The following PDE9A variants were observed in gnomAD, a reference collection of about 807,000 sequenced individuals.
The protein encoded by PDE9A is high affinity cGMP-specific 3',5'-cyclic phosphodiesterase 9A.
In PDE9A, 60 loss-of-function variants were observed where a neutral mutation model predicts 87.4. The ratio of observed to expected loss-of-function variants is 0.69; its 90% CI spans 0.56 to 0.85. The LOEUF is 0.85. PDE9A is among the 40% of genes least tolerant of loss of function. PDE9A has a pLI of 0.00. For missense variants in PDE9A, 665 were observed against 779.0 expected (o/e 0.85, Z 1.74); for synonymous variants, 272 against 279.4 (o/e 0.97, Z 0.27).
chr21:42,752,826 C>G (rs962858484), intron 9 of PDE9A, among the ~76,000 whole-genome samples: 3 of 152,232 alleles, frequency 2.0e-5, no homozygotes, highest in Non-Finnish European at 4.4e-5. Flanking sequence ...ACAGCTTAAC[C>G]TAAAGCCTGA....
chr21:42,697,487 C>T, intron 3 of PDE9A: 3 of 1,590,162 alleles, frequency 1.9e-6, no homozygotes, highest in Non-Finnish European at 2.6e-6. Flanking sequence ...GGGCGTCCCA[C>T]CAGGTGAATA....
intron 7 of PDE9A, among the ~76,000 whole-genome samples, chr21:42,735,970 C>CA (rs887435025): frequency 3.3e-5 from 5 of 152,018 alleles, no homozygotes; most frequent in African/African-American, 7.3e-5. Flanking sequence ...CCAAAGCATG[C>CA]AAAAAAGGCT....
rs1437914033 is a variant in PDE9A, at chr21:42,704,693, AT to A, written c.262+5685del. ...GTGCCCTTGTGAATCAACAGACCACATTTCCAGTGGCAGAAAAGGAAATGGG... is the reference window on the plus strand; with the variant it reads ...GTGCCCTTGTGAATCAACAGACCACATTCCAGTGGCAGAAAAGGAAATGGG... On this transcript the variant is annotated intron_variant, in intron 4 of 19. Coordinates refer to ENST00000291539, the MANE Select transcript of PDE9A (RefSeq NM_002606.3). This position sits in a 1 kb window ranked among gnomAD's most constrained non-coding sequence, Gnocchi z 5.3. 1.3e-5 allele frequency among the ~76,000 whole-genome samples: 2 copies of A among 150,090 alleles called. No homozygotes were observed. The highest frequency in any genetic ancestry group is 4.0e-4 in the East Asian group (2 of 5,012).
intron 1 of PDE9A, among the ~76,000 whole-genome samples, chr21:42,654,310 G>C (rs1326405161): frequency 2.0e-5 from 3 of 152,062 alleles, no homozygotes; most frequent in Admixed American, 2.0e-4. Context: ...CTGCTCCCCC[G>C]CAGGTGAGTA....
chr21:42,670,302 TAC>T (rs370999326), intron 1 of PDE9A, among the ~76,000 whole-genome samples: 3,249 of 139,648 alleles, frequency 0.023, 42 homozygotes, highest in African/African-American at 0.034. Context: ...TTCACACACA[TAC>T]ACTTAGACAC....
At position 42,686,183 on chromosome 21, in the gene PDE9A, G is replaced by C; in HGVS notation, c.70-9G>C. ...CTCGCTGCCGCCTCACCGCGCTTCT[G>C]TTTTGCAGGTAATCTTCAGCAAGTA... On this transcript the variant is annotated splice_polypyrimidine_tract_variant and intron_variant, in intron 1 of 19. Coordinates refer to ENST00000291539, the MANE Select transcript of PDE9A (RefSeq NM_002606.3). 2 of 1,613,112 alleles carry C rather than the reference G, an allele frequency of 1.2e-6. No individual in the cohort carries two copies. Among genetic ancestry groups the C allele is most frequent in the Non-Finnish European group, 1.7e-6 (2 of 1,179,078 alleles).
rs1454978825 is a variant in PDE9A at position 42,748,197 on chromosome 21, T to C, written c.654-2919T>C. On this transcript the variant is annotated intron_variant, in intron 8 of 19. Transcript: ENST00000291539. ...AAACAGGTTAAAAGCAGCGAAGAAA[T>C]CATCATCATGCCATCTATTTTTTTT... Among the ~76,000 whole-genome samples the C allele has an allele frequency of 4.6e-5, 7 of 152,204 alleles. 1 individual carries two copies. Among genetic ancestry groups the C allele is most frequent in the Non-Finnish European group, 1.0e-4 (7 of 68,044 alleles).
At position 42,760,643 on chromosome 21, in the gene PDE9A, C is replaced by T. The variant is rs566622638; in HGVS notation, c.1003-182C>T. Among the ~76,000 whole-genome samples the T allele has an allele frequency of 5.3e-5, 8 of 152,100 alleles. No individual in the cohort carries two copies. Among genetic ancestry groups the T allele is most frequent in the African/African-American group, 1.7e-4 (7 of 41,496 alleles). On this transcript the variant is annotated intron_variant, in intron 12 of 19. Coordinates refer to ENST00000291539, the MANE Select transcript of PDE9A (RefSeq NM_002606.3). This position sits in a 1 kb window ranked among gnomAD's most constrained non-coding sequence, Gnocchi z 5.2. ...AGGATTACGAGAGCAGGTGAGTCCC[C>T]GACCTGGTCACCCCCCCAACCCCCA...
At chr21:42,682,465 G>A (rs1197811688) in intron 1 of PDE9A, among the ~76,000 whole-genome samples, 1 of 152,200 alleles carries the variant, frequency 6.6e-6, no homozygotes, top group South Asian at 2.1e-4. Flanking sequence ...TGGCAAGAGT[G>A]CCACCATACC....
intron 4 of PDE9A, among the ~76,000 whole-genome samples, chr21:42,715,793 T>A (rs893840023): frequency 1.3e-5 from 2 of 150,982 alleles, no homozygotes; most frequent in African/African-American, 2.4e-5. Context: ...TCAGACAGAA[T>A]CGGTTCTCTC....
intron 8 of PDE9A, 66 bp from the exon 9 acceptor site, chr21:42,751,050 C>A: frequency 9.6e-7 from 1 of 1,043,538 alleles, no homozygotes; most frequent in Non-Finnish European, 1.5e-6. Context: ...CTTGCTTTTG[C>A]TGTGCTGAGG....
intron 17 of PDE9A, among the ~76,000 whole-genome samples, chr21:42,769,645 G>GAC (rs1268062795): frequency 2.7e-5 from 1 of 37,032 alleles, no homozygotes; most frequent in East Asian, 7.0e-4. Flanking sequence ...CACACACAGG[G>GAC]ACACACAGGC....
At chr21:42,670,437 TAC>T (rs548797304) in intron 1 of PDE9A, among the ~76,000 whole-genome samples, 17 of 149,256 alleles carry the variant, frequency 1.1e-4, no homozygotes, top group East Asian at 7.9e-4. Context: ...CAGTCACACA[TAC>T]ACTTATACAC....
At chr21:42,665,877 G>T (rs2057934603) in intron 1 of PDE9A, among the ~76,000 whole-genome samples, 1 of 152,180 alleles carries the variant, frequency 6.6e-6, no homozygotes, top group African/African-American at 2.4e-5. Flanking sequence ...CTCCCGCGTG[G>T]CTCCACCGTC....
intron 4 of PDE9A, among the ~76,000 whole-genome samples, chr21:42,710,199 G>T (rs1424334164): frequency 6.6e-6 from 1 of 151,988 alleles, no homozygotes; most frequent in Non-Finnish European, 1.5e-5. Context: ...CTTGAGGTCA[G>T]GAGTTCGAGA....
chr21:42,744,317 C>T (rs1212790090), intron 8 of PDE9A, among the ~76,000 whole-genome samples: 1 of 152,014 alleles, frequency 6.6e-6, no homozygotes, highest in Admixed American at 6.5e-5. Context: ...CGCGCCACTG[C>T]ACTCCAGCCT....
chr21:42,674,547 G>T (rs1432054381), intron 1 of PDE9A, among the ~76,000 whole-genome samples: 1 of 151,978 alleles, frequency 6.6e-6, no homozygotes. Flanking sequence ...CTCCGCCTAC[G>T]CGCCTGTAGC....
At chr21:42,721,812 A>G (rs2050558134) in intron 4 of PDE9A, among the ~76,000 whole-genome samples, 1 of 151,842 alleles carries the variant, frequency 6.6e-6, no homozygotes, top group Non-Finnish European at 1.5e-5. Context: ...GAGGTTGGAC[A>G]AGAGCAGAAA....
intron 1 of PDE9A, among the ~76,000 whole-genome samples, chr21:42,673,542 A>G (rs1430077312): frequency 6.6e-6 from 1 of 152,246 alleles, no homozygotes; most frequent in Non-Finnish European, 1.5e-5. Context: ...CCGTCCTAAC[A>G]TATGAAGCAT....
Sources: allele counts gnomAD v4.1 joint callset (sites outside exome capture counted in the v4.1 genomes callset), GRCh38; gene constraint gnomAD v4.1.1; non-coding constraint Gnocchi (gnomAD v3.1); transcripts MANE v1.5; gene names NCBI Gene and HGNC (gene_info 2026-07-23, HGNC 2026-07-21).